Variants in BBS4 observed in about 807,000 individuals in gnomAD.
The protein encoded by BBS4 is BBSome complex member BBS4.
BBS4 carries 58 observed loss-of-function variants against 71.4 expected under a neutral mutation model. That is an observed-to-expected ratio of 0.81 (90% CI 0.66 to 1.01). The LOEUF is 1.01. Ranked by LOEUF, BBS4 falls within the 50% of genes least tolerant of loss-of-function variation. BBS4 has a pLI of 0.00. For missense variants in BBS4, 660 were observed against 607.9 expected, an observed-to-expected ratio of 1.09 and a Z score of -0.90; for synonymous variants, 228 against 216.8, an observed-to-expected ratio of 1.05 and a Z score of -0.46.
At chr15:72,697,938 T>G in intron 2 of BBS4, 1 of 455,644 alleles carries the variant, frequency 2.2e-6, no homozygotes, top group South Asian at 1.6e-5. Flanking sequence ...GAAAATAATA[T>G]GCTACATGAG....
Position 72,731,405 on chromosome 15 carries a change from C to T in BBS4, c.812C>T (p.Pro271Leu). ...GCTTGTGCTGTTCCAGAAAGTCCTC[C>T]ACTCTGGAATAACATTGGAATGTGT... ...VVACAVPESP[P>L]LWNNIGMCFF... The change falls in exon 11 of 16, where the codon CCA (proline) becomes CTA (leucine). Residue 271 changes from proline (P) to leucine (L), a missense_variant. Coordinates refer to ENST00000268057, the MANE Select transcript of BBS4 (RefSeq NM_033028.5). 2.5e-6 allele frequency: 4 copies of T among 1,614,162 alleles called. No individual in the cohort carries two copies. Among genetic ancestry groups the T allele is most frequent in the South Asian group, 2.2e-5 (2 of 91,078 alleles).
At chr15:72,689,788 A>T (rs972819517) in intron 1 of BBS4, among the ~76,000 whole-genome samples, 2 of 103,252 alleles carry the variant, frequency 1.9e-5, no homozygotes, top group African/African-American at 7.7e-5. Context: ...CTTTTTATTT[A>T]TTTATTTATT....
At chr15:72,724,390 T>G in intron 7 of BBS4, 138 bp from the exon 8 acceptor site, 1 of 1,256,934 alleles carries the variant, frequency 8.0e-7, no homozygotes. Flanking sequence ...GTTTTGGTCT[T>G]TGGGTAGTGG....
rs2065948907 is a variant in BBS4 at position 72,737,505 on chromosome 15, AGCC to A, written c.1479_1481del (p.Lys493_Pro494delinsAsn). 1 of 1,612,982 alleles carries A rather than the reference AGCC, an allele frequency of 6.2e-7. No individual in the cohort carries two copies. The highest frequency in any genetic ancestry group is 1.7e-5 in the Admixed American group (1 of 59,852). Reference sequence around the variant, plus strand: ...GCTGGAGGAACATCCCAGTTCACAAAGCCCCCATCTCTTCCTCTGGAGCCAGAG... The same window carrying A: ...GCTGGAGGAACATCCCAGTTCACAAACCCATCTCTTCCTCTGGAGCCAGAG... On this transcript the variant is annotated inframe_deletion, in exon 16 of 16. Coordinates refer to ENST00000268057, the MANE Select transcript of BBS4 (RefSeq NM_033028.5).
At chr15:72,727,688 T>A (rs2065728998) in intron 8 of BBS4, among the ~76,000 whole-genome samples, 1 of 152,180 alleles carries the variant, frequency 6.6e-6, no homozygotes, top group Non-Finnish European at 1.5e-5. Context: ...ATAGGTTCTT[T>A]CTTAGGACTT....
In BBS4 at chr15:72,725,793, CT is replaced by C. The variant is rs1389062911; in HGVS notation, c.587+1139del. Among the ~76,000 whole-genome samples, 71 of 35,516 alleles carry C rather than the reference CT, an allele frequency of 2.0e-3. 16 individuals are homozygous for C. In the East Asian group the frequency reaches 0.027, roughly 14 times the overall value. The allele number at this position is 35,516 out of a possible 152,430, so 23.3% of individuals were successfully genotyped here. A position where few individuals can be genotyped will look rare whatever the true frequency, so the allele number is the denominator to read the frequency against. Reference sequence around the variant, plus strand: ...CCTTCCTCTTCCCCTTCCTCCTTCCCTCTTCCCCCATCCCCCTTCCCCCATC... The same window carrying C: ...CCTTCCTCTTCCCCTTCCTCCTTCCCCTTCCCCCATCCCCCTTCCCCCATC... On this transcript the variant is annotated intron_variant, in intron 8 of 15. Coordinates refer to ENST00000268057, the MANE Select transcript of BBS4 (RefSeq NM_033028.5).
intron 8 of BBS4, among the ~76,000 whole-genome samples, chr15:72,725,304 A>G (rs930498755): frequency 6.6e-6 from 1 of 152,082 alleles, no homozygotes; most frequent in East Asian, 1.9e-4. Context: ...TCTGGGCTCA[A>G]GCGATCCTCC....
intron 9 of BBS4, 56 bp downstream of exon 9, chr15:72,728,050 G>T: frequency 7.6e-7 from 1 of 1,309,900 alleles, no homozygotes; most frequent in Non-Finnish European, 1.1e-6. Context: ...TTTTGGGTTT[G>T]TGTGTATGGT....
At chr15:72,688,926 C>G (rs914776676) in intron 1 of BBS4, among the ~76,000 whole-genome samples, 3 of 151,940 alleles carry the variant, frequency 2.0e-5, no homozygotes, top group Non-Finnish European at 4.4e-5. Flanking sequence ...AAGAATGTTA[C>G]AACTAATTGC....
At chr15:72,715,186 T>C in intron 4 of BBS4, 105 bp from the exon 5 acceptor site, 1 of 775,510 alleles carries the variant, frequency 1.3e-6, no homozygotes, top group Non-Finnish European at 2.2e-6. Flanking sequence ...AAGGATTTAC[T>C]TGATGTGGTT....
Position 72,736,967 on chromosome 15 carries a change from G to A in BBS4, c.1450+4G>A. The A allele has an allele frequency of 1.2e-6, 2 of 1,613,966 alleles. No homozygotes were observed. Among genetic ancestry groups the A allele is most frequent in the Non-Finnish European group, 1.7e-6 (2 of 1,179,966 alleles). ...GCATACAGGACGCTCCCCTCAGGTA[G>A]GACCATACAGAGCTCCATGAAGACC... On this transcript the variant is annotated splice_donor_region_variant and intron_variant, in intron 15 of 15. Coordinates refer to ENST00000268057, the MANE Select transcript of BBS4 (RefSeq NM_033028.5).
At chr15:72,737,342 C>G (rs1398437897) in intron 15 of BBS4, 136 bp from the exon 16 acceptor site, 3 of 745,688 alleles carry the variant, frequency 4.0e-6, no homozygotes, top group Non-Finnish European at 6.8e-6. Flanking sequence ...CAGTTATAGT[C>G]TTCCCTTATA....
chr15:72,707,177 CTTTTCTTTT>C (rs2065279348), intron 2 of BBS4, among the ~76,000 whole-genome samples: 1 of 132,448 alleles, frequency 7.6e-6, no homozygotes, highest in Admixed American at 7.7e-5. Flanking sequence ...TTCCTTTTTT[CTTTTCTTTT>C]TTTTTTTTTG....
chr15:72,694,250 G>A (rs2065037191), intron 1 of BBS4, among the ~76,000 whole-genome samples: 1 of 149,708 alleles, frequency 6.7e-6, no homozygotes, highest in Non-Finnish European at 1.5e-5. Context: ...GGGGGCGATG[G>A]TACGATCTTG....
At chr15:72,730,608 G>A (rs1288691271) in intron 10 of BBS4, among the ~76,000 whole-genome samples, 1 of 152,110 alleles carries the variant, frequency 6.6e-6, no homozygotes, top group Non-Finnish European at 1.5e-5. Context: ...CAATAATTAT[G>A]TTGAAATGAC....
In BBS4 at chr15:72,736,808, A is replaced by G. The variant is rs774171182; in HGVS notation, c.1295A>G (p.Glu432Gly). The G allele has an allele frequency of 1.2e-6, 2 of 1,614,128 alleles. No homozygotes were observed. The highest frequency in any genetic ancestry group is 4.5e-5 in the East Asian group (2 of 44,870). The change falls in exon 15 of 16, where the codon GAG becomes GGG. Residue 432 changes from glutamate to glycine, a missense_variant. Coordinates refer to ENST00000268057, the MANE Select transcript of BBS4 (RefSeq NM_033028.5). Reference sequence around the variant, plus strand: ...TTGGGAGCTGCTCTCCAGGTTGGGGAGGCACTGGTCTGGACCAAACCAGTT... The same window carrying G: ...TTGGGAGCTGCTCTCCAGGTTGGGGGGGCACTGGTCTGGACCAAACCAGTT... ...QKLGAALQVG[E>G]ALVWTKPVKD...
chr15:72,706,170 T>C (rs1253668230), intron 2 of BBS4, among the ~76,000 whole-genome samples: 2 of 152,084 alleles, frequency 1.3e-5, no homozygotes, highest in African/African-American at 2.4e-5. Flanking sequence ...GGAGTCTCGC[T>C]CTGTCGCCCA....
intron 13 of BBS4, 165 bp from the exon 14 acceptor site, chr15:72,735,660 T>G: frequency 1.1e-6 from 1 of 896,678 alleles, no homozygotes; most frequent in Non-Finnish European, 1.8e-6. Flanking sequence ...ATTAACTCCT[T>G]GATTCTTCTC....
At chr15:72,709,667 GTGT>G in intron 2 of BBS4, 30 bp from the exon 3 acceptor site, 3 of 1,477,176 alleles carry the variant, frequency 2.0e-6, no homozygotes, top group South Asian at 1.1e-5. Context: ...TCTAATGACT[GTGT>G]TGTTTGTTTT....
Sources: allele counts gnomAD v4.1 joint callset (sites outside exome capture counted in the v4.1 genomes callset), GRCh38; gene constraint gnomAD v4.1.1; transcripts MANE v1.5; gene names NCBI Gene and HGNC (gene_info 2026-07-23, HGNC 2026-07-21).